Variants in UNC13C observed in about 807,000 individuals in gnomAD.
The protein encoded by UNC13C is protein unc-13 homolog C.
UNC13C carries 174 observed loss-of-function variants against 245.4 expected under a neutral mutation model. That is an observed-to-expected ratio of 0.71 (90% CI 0.63 to 0.80). The LOEUF is 0.80. Ranked by LOEUF, UNC13C falls within the 30% of genes least tolerant of loss-of-function variation. UNC13C has a pLI of 0.00. For synonymous variants in UNC13C, 992 were observed against 895.1 expected (o/e 1.11, Z -1.93); for missense variants, 2,829 against 2,602.9 (o/e 1.09, Z -1.89).
intron 29 of UNC13C, among the ~76,000 whole-genome samples, chr15:54,555,984 C>T (rs8040295): frequency 9.9e-5 from 15 of 152,128 alleles, no homozygotes; most frequent in Non-Finnish European, 2.1e-4. Context: ...AATTTCATTT[C>T]ATTTTCTGCT....
At chr15:54,315,087 C>T (rs1015637941) in intron 13 of UNC13C, among the ~76,000 whole-genome samples, 6 of 151,754 alleles carry the variant, frequency 4.0e-5, no homozygotes, top group African/African-American at 9.7e-5. Context: ...CTTTATACCA[C>T]TTCAGAGTCA....
At chr15:53,970,691 G>A in the UNC13C span, among the ~76,000 whole-genome samples, 4 of 152,234 alleles carry the variant, frequency 2.6e-5, no homozygotes, top group South Asian at 8.3e-4. Context: ...GGGATGCAGA[G>A]GGAGGGAGAG....
intron 4 of UNC13C, among the ~76,000 whole-genome samples, chr15:54,225,601 T>G (rs537269597): frequency 4.3e-4 from 65 of 152,296 alleles, no homozygotes; most frequent in African/African-American, 1.5e-3. Flanking sequence ...ATGAATTGGT[T>G]CTCTGCTTGT....
At chr15:54,218,054 T>C (rs1285336072) in intron 4 of UNC13C, among the ~76,000 whole-genome samples, 1 of 151,986 alleles carries the variant, frequency 6.6e-6, no homozygotes, top group Admixed American at 6.6e-5. Flanking sequence ...TTTTATTGAT[T>C]TTTAAAAAAT....
chr15:54,611,512 C>T (rs904024257), intron 30 of UNC13C: 1 of 152,108 alleles, frequency 6.6e-6, no homozygotes, highest in Admixed American at 6.5e-5. Flanking sequence ...AAGAGAAGGT[C>T]CATCCATAGG....
intron 4 of UNC13C, among the ~76,000 whole-genome samples, chr15:54,193,040 C>T (rs1340894883): frequency 1.3e-5 from 2 of 151,968 alleles, no homozygotes; most frequent in African/African-American, 4.8e-5. Context: ...TTACCAATGC[C>T]CCACTATTAT....
chr15:54,451,215 A>G (rs1174816976), intron 19 of UNC13C, among the ~76,000 whole-genome samples: 2 of 152,082 alleles, frequency 1.3e-5, no homozygotes, highest in African/African-American at 4.8e-5. Context: ...GAATTACCTC[A>G]GTTTTTGCTT....
chr15:54,452,059 T>G (rs1460432806), intron 19 of UNC13C, among the ~76,000 whole-genome samples: 1 of 152,256 alleles, frequency 6.6e-6, no homozygotes, highest in Non-Finnish European at 1.5e-5. Flanking sequence ...TGTGATTTCC[T>G]CAGTGACTTA....
At chr15:54,480,929 G>A (rs1893070988) in intron 19 of UNC13C, among the ~76,000 whole-genome samples, 1 of 152,172 alleles carries the variant, frequency 6.6e-6, no homozygotes, top group Non-Finnish European at 1.5e-5. Context: ...TCTCAGCAGA[G>A]GGGATGTCAG....
chr15:53,846,839 TG>T, the UNC13C span, among the ~76,000 whole-genome samples: 1 of 152,172 alleles, frequency 6.6e-6, no homozygotes, highest in Admixed American at 6.5e-5. Context: ...TATCCTGTGG[TG>T]ATGTATAATC....
At chr15:53,855,710 A>G in the UNC13C span, among the ~76,000 whole-genome samples, 1 of 152,064 alleles carries the variant, frequency 6.6e-6, no homozygotes, top group Non-Finnish European at 1.5e-5. Flanking sequence ...ATTGAGGATA[A>G]TTCACCATCG....
Position 54,235,125 on chromosome 15 carries a change from T to C in UNC13C, c.3150+17T>C. The C allele has an allele frequency of 6.2e-7, 1 of 1,610,982 alleles. No homozygotes were observed. Among genetic ancestry groups the C allele is most frequent in the Non-Finnish European group, 8.5e-7 (1 of 1,177,228 alleles). On this transcript the variant is annotated intron_variant, in intron 5 of 32. Coordinates refer to ENST00000260323, the MANE Select transcript of UNC13C (RefSeq NM_001080534.3). ...CGAGATGTGGTAAGTTACAACTGTTTAATTCTCTTCGATTGCATGTGTGGT... is the reference window on the plus strand; with the variant it reads ...CGAGATGTGGTAAGTTACAACTGTTCAATTCTCTTCGATTGCATGTGTGGT...
intron 2 of UNC13C, among the ~76,000 whole-genome samples, chr15:54,111,237 C>T (rs2141175033): frequency 1.3e-5 from 2 of 152,242 alleles, no homozygotes; most frequent in East Asian, 3.9e-4. Flanking sequence ...TAGTGGCTTC[C>T]CATAATGCTG....
chr15:54,620,430 AC>A (rs1351902123), intron 30 of UNC13C, among the ~76,000 whole-genome samples: 1 of 152,192 alleles, frequency 6.6e-6, no homozygotes, highest in Non-Finnish European at 1.5e-5. Flanking sequence ...ATAACTAAGG[AC>A]ATCAAAACTC....
intron 4 of UNC13C, among the ~76,000 whole-genome samples, chr15:54,205,506 T>C (rs1567096552): frequency 6.6e-6 from 1 of 152,030 alleles, no homozygotes; most frequent in East Asian, 1.9e-4. Context: ...GCATCCCGCC[T>C]CATACCTGCC....
intron 9 of UNC13C, 73 bp downstream of exon 9, chr15:54,264,468 A>G: frequency 9.0e-7 from 1 of 1,116,814 alleles, no homozygotes; most frequent in Non-Finnish European, 1.3e-6. Context: ...AACTGCTAAT[A>G]ATAATTATAG....
intron 17 of UNC13C, among the ~76,000 whole-genome samples, chr15:54,379,780 T>C (rs1404971706): frequency 6.6e-6 from 1 of 152,230 alleles, no homozygotes; most frequent in African/African-American, 2.4e-5. Context: ...CACATACGTT[T>C]CTTTTACATT....
chr15:53,918,258 C>T, the UNC13C span, among the ~76,000 whole-genome samples: 1 of 151,432 alleles, frequency 6.6e-6, no homozygotes, highest in Non-Finnish European at 1.5e-5. Context: ...GTGTGCTGCT[C>T]TCACAGGCTA....
the UNC13C span, among the ~76,000 whole-genome samples, chr15:53,903,523 A>G: frequency 1.3e-5 from 2 of 152,234 alleles, no homozygotes; most frequent in African/African-American, 4.8e-5. Context: ...GTGGAACTGG[A>G]TGGCCACAAG....
Sources: allele counts gnomAD v4.1 joint callset (sites outside exome capture counted in the v4.1 genomes callset), GRCh38; gene constraint gnomAD v4.1.1; transcripts MANE v1.5; gene names NCBI Gene and HGNC (gene_info 2026-07-23, HGNC 2026-07-21).